Variants in UBR1 observed in about 807,000 individuals in gnomAD.
UBR1 encodes ubiquitin protein ligase E3 component n-recognin 1, also known as E3 ubiquitin-protein ligase UBR1.
In UBR1, 102 loss-of-function variants were observed where a neutral mutation model predicts 242.1. That is an observed-to-expected ratio of 0.42 (90% CI 0.36 to 0.50). UBR1 has a LOEUF of 0.50. Ranked by LOEUF, UBR1 falls within the 20% of genes least tolerant of loss-of-function variation. The probability of loss-of-function intolerance (pLI) is 0.01; values close to 1 mark genes in which losing one functional copy is unlikely to be tolerated. For missense variants in UBR1, 1,772 were observed against 2,101.8 expected (o/e 0.84, Z 3.07); for synonymous variants, 675 against 684.8 (o/e 0.99, Z 0.22).
intron 46 of UBR1, among the ~76,000 whole-genome samples, chr15:42,947,225 C>G (rs1003312825): frequency 2.6e-5 from 4 of 152,184 alleles, no homozygotes; most frequent in Non-Finnish European, 5.9e-5. Context: ...CAAACTTATA[C>G]TATCAGTGTC....
chr15:42,964,745 GTCAAACGAAGCC>G (rs2032077952), intron 41 of UBR1, among the ~76,000 whole-genome samples: 1 of 152,090 alleles, frequency 6.6e-6, no homozygotes, highest in Non-Finnish European at 1.5e-5. Flanking sequence ...CTGTGACTAC[GTCAAACGAAGCC>G]TTGACATTTA....
Position 43,048,308 on chromosome 15 carries a change from A to T in UBR1, c.1539+84T>A, listed in dbSNP as rs1045898407. ...TGCTAGATAAATTCTTTCTTGTATTAAAACCAAAATCTGCTTTAAAAAGAC... is the reference window on the plus strand; with the variant it reads ...TGCTAGATAAATTCTTTCTTGTATTTAAACCAAAATCTGCTTTAAAAAGAC... On this transcript the variant is annotated intron_variant, in intron 13 of 46. Coordinates refer to ENST00000290650, the MANE Select transcript of UBR1 (RefSeq NM_174916.3). 13 of 1,108,124 alleles carry T rather than the reference A, an allele frequency of 1.2e-5. No homozygotes were observed. The African/African-American group carries it at 2.1e-4, about 17-fold the overall frequency. 68.6% of individuals were successfully genotyped at this position (1,108,124 alleles called of 1,614,324 possible). A position where few individuals can be genotyped will look rare whatever the true frequency, so the allele number is the denominator to read the frequency against.
At chr15:43,081,348 C>T (rs1257988167) in intron 3 of UBR1, among the ~76,000 whole-genome samples, 2 of 135,454 alleles carry the variant, frequency 1.5e-5, no homozygotes, top group South Asian at 2.6e-4. Flanking sequence ...AGCCAGGAGG[C>T]GGACGTTGTG....
intron 23 of UBR1, 56 bp downstream of exon 23, chr15:43,026,505 A>G (rs947858058): frequency 6.7e-7 from 1 of 1,485,668 alleles, no homozygotes; most frequent in Non-Finnish European, 9.4e-7. Flanking sequence ...TTTTCTGTGG[A>G]GTTAGAAAGC....
At chr15:43,002,762 T>C (rs2032746191) in intron 31 of UBR1, 58 bp from the exon 32 acceptor site, 1 of 1,609,370 alleles carries the variant, frequency 6.2e-7, no homozygotes, top group Admixed American at 1.7e-5. Context: ...TCTACATGTG[T>C]ATCTCTACTT....
Position 43,068,908 on chromosome 15 carries a change from C to T in UBR1, c.660-872G>A, listed in dbSNP as rs543474594. On this transcript the variant is annotated intron_variant, in intron 5 of 46. Coordinates refer to ENST00000290650, the MANE Select transcript of UBR1 (RefSeq NM_174916.3). ...TATGTTTTTAATACTACCCTTAACT[C>T]TTGCTTATCTCCTATTCTGACAAAA... Among the ~76,000 whole-genome samples, 5 of 152,312 alleles carry T rather than the reference C, an allele frequency of 3.3e-5. No homozygotes were observed. The South Asian group carries it at 1.0e-3, about 32-fold the overall frequency.
At chr15:43,026,776 T>C in intron 22 of UBR1, 113 bp from the exon 23 acceptor site, 1 of 879,416 alleles carries the variant, frequency 1.1e-6, no homozygotes, top group Non-Finnish European at 1.8e-6. Flanking sequence ...AAAAATTATG[T>C]CTCATTTAGC....
In UBR1 at chr15:43,011,947, C is replaced by T. The variant is rs982647048; in HGVS notation, c.3209+3741G>A. The T allele has an allele frequency of 2.7e-5, 12 of 452,306 alleles. No homozygotes were observed. The Admixed American group carries it at 2.8e-4, about 11-fold the overall frequency. 28.0% of individuals were successfully genotyped at this position (452,306 alleles called of 1,614,324 possible). A position where few individuals can be genotyped will look rare whatever the true frequency, so the allele number is the denominator to read the frequency against. On this transcript the variant is annotated intron_variant, in intron 29 of 46. Transcript: ENST00000290650. ...AATGATGTAGAATCTACATTATAGG[C>T]CGGGCACAGTGGCTCACGCCTGTAA...
Position 42,945,530 on chromosome 15 carries a change from A to G in UBR1, c.5109-60T>C, listed in dbSNP as rs1347977076. 14 of 1,594,602 alleles carry G rather than the reference A, an allele frequency of 8.8e-6. No homozygotes were observed. In the South Asian group the frequency reaches 1.6e-4, roughly 18 times the overall value. On this transcript the variant is annotated intron_variant, in intron 46 of 46. Coordinates refer to ENST00000290650, the MANE Select transcript of UBR1 (RefSeq NM_174916.3). ...TGAATCTAGTAACTGCCACATCTTT[A>G]TTGTCTAAATTAGTATGCACTCTTG... is the stretch of plus-strand genomic sequence containing the variant.
At chr15:43,101,838 G>A (rs1331187090) in intron 1 of UBR1, among the ~76,000 whole-genome samples, 1 of 151,746 alleles carries the variant, frequency 6.6e-6, no homozygotes, top group Non-Finnish European at 1.5e-5. Context: ...CGTGGTGGCA[G>A]GCACCTGTAA....
In UBR1 at chr15:42,977,860, C is replaced by T; in HGVS notation, c.4218+20G>A. On this transcript the variant is annotated intron_variant, in intron 38 of 46. Transcript: ENST00000290650. ...AAATTATCAACATGAGTGACTTAAACAAAATTACTGAACACTTACCAAAAC... is the reference window on the plus strand; with the variant it reads ...AAATTATCAACATGAGTGACTTAAATAAAATTACTGAACACTTACCAAAAC... 1 of 1,600,710 alleles carries T rather than the reference C, an allele frequency of 6.2e-7. No homozygotes were observed. The highest frequency in any genetic ancestry group is 8.6e-7 in the Non-Finnish European group (1 of 1,168,356).
At chr15:42,954,887 G>A (rs1257908639) in intron 44 of UBR1, among the ~76,000 whole-genome samples, 4 of 151,908 alleles carry the variant, frequency 2.6e-5, no homozygotes, top group Non-Finnish European at 4.4e-5. Flanking sequence ...ACCTTAAACC[G>A]GCCAGGTGCG....
At chr15:43,026,139 G>C (rs917225244) in intron 23 of UBR1, 22 of 186,012 alleles carry the variant, frequency 1.2e-4, no homozygotes, top group Non-Finnish European at 2.1e-4. Flanking sequence ...TGCTGGGGCA[G>C]GAGAATCACT....
At chr15:43,094,978 A>T (rs998614715) in intron 1 of UBR1, among the ~76,000 whole-genome samples, 5 of 152,046 alleles carry the variant, frequency 3.3e-5, no homozygotes, top group African/African-American at 1.2e-4. Context: ...TATTTGTTGT[A>T]TTCTCTTTTT....
chr15:42,996,027 C>T (rs1432825671), intron 33 of UBR1, among the ~76,000 whole-genome samples: 1 of 152,200 alleles, frequency 6.6e-6, no homozygotes, highest in East Asian at 1.9e-4. Context: ...GCCATGCTCA[C>T]AGTTCCCTAA....
chr15:43,026,994 C>T (rs901291757), intron 22 of UBR1, among the ~76,000 whole-genome samples: 4 of 152,082 alleles, frequency 2.6e-5, no homozygotes, highest in African/African-American at 7.2e-5. Flanking sequence ...GTCTGTTCAA[C>T]TAAAGAACAC....
chr15:42,974,558 C>G (rs1461634032), intron 39 of UBR1, among the ~76,000 whole-genome samples: 4 of 152,162 alleles, frequency 2.6e-5, no homozygotes, highest in Non-Finnish European at 4.4e-5. Flanking sequence ...GGACTTTTGT[C>G]TTTCCATATA....
Position 43,021,298 on chromosome 15 carries a change from C to T in UBR1, c.2917G>A (p.Asp973Asn). The T allele has an allele frequency of 6.2e-7, 1 of 1,613,694 alleles. No homozygotes were observed. The highest frequency in any genetic ancestry group is 8.5e-7 in the Non-Finnish European group (1 of 1,179,796). ...KGIPQLEGQK[D>N]MITWILQMFD... is the part of the protein sequence containing the mutation. ...ACCTGAAGTATCCACGTTATCATGT[C>T]CTTCTGGCCTTCTAACTGGGGAATT... is the stretch of plus-strand genomic sequence containing the variant. The change falls in exon 27 of 47, where the codon GAC (aspartate) becomes AAC (asparagine). Residue 973 changes from aspartate to asparagine, a missense_variant. By Grantham distance (23) the Asp-to-Asn change is conservative. Transcript: ENST00000290650.
chr15:42,974,422 G>T (rs894756562), intron 39 of UBR1, among the ~76,000 whole-genome samples: 13 of 152,046 alleles, frequency 8.6e-5, no homozygotes, highest in African/African-American at 3.1e-4. Context: ...ATATTTCATT[G>T]ATCTATTTGT....
Sources: gnomAD v4.1 joint callset for allele counts (sites outside exome capture counted in the v4.1 genomes callset) on GRCh38, gnomAD v4.1.1 for gene constraint, MANE v1.5 for transcripts, NCBI Gene and HGNC (gene_info 2026-07-23, HGNC 2026-07-21) for gene names.